The following DLGAP1 variants were observed in gnomAD, a reference collection of about 807,000 sequenced individuals.
The protein encoded by DLGAP1 is disks large-associated protein 1.
In DLGAP1, 11 loss-of-function variants were observed where a neutral mutation model predicts 90.8. The ratio of observed to expected loss-of-function variants is 0.12; its 90% CI spans 0.08 to 0.20. The LOEUF (loss-of-function observed/expected upper bound fraction) is 0.20. Ranked by LOEUF, DLGAP1 falls within the 10% of genes least tolerant of loss-of-function variation. The pLI, the probability that DLGAP1 is intolerant of heterozygous loss-of-function variation, is 1.00. For missense variants in DLGAP1, 1,050 were observed against 1,333.8 expected (o/e 0.79, Z 3.31); for synonymous variants, 558 against 540.7 (o/e 1.03, Z -0.44).
chr18:4,411,882 G>A (rs1300181181), intron 1 of DLGAP1, among the ~76,000 whole-genome samples: 2 of 152,110 alleles, frequency 1.3e-5, no homozygotes, highest in Admixed American at 6.6e-5. Flanking sequence ...TTGGAAGTCC[G>A]AGAACATAAC....
intron 8 of DLGAP1, chr18:3,571,415 T>C (rs1179711433): frequency 2.0e-5 from 3 of 152,034 alleles, no homozygotes; most frequent in Non-Finnish European, 4.4e-5. Context: ...ACCCCATCAC[T>C]ATAGTGCACT....
At chr18:3,683,922 T>G (rs2060610164) in intron 7 of DLGAP1, among the ~76,000 whole-genome samples, 1 of 152,166 alleles carries the variant, frequency 6.6e-6, no homozygotes, top group South Asian at 2.1e-4. Flanking sequence ...CATCTTGCTC[T>G]TAAGATGGAG....
intron 3 of DLGAP1, chr18:3,896,264 C>T (rs2071620969): frequency 6.6e-6 from 1 of 152,232 alleles, no homozygotes; most frequent in East Asian, 1.9e-4. Flanking sequence ...AAAGCACATG[C>T]TATTCCTGCT....
intron 8 of DLGAP1, among the ~76,000 whole-genome samples, chr18:3,581,574 G>A (rs2055513913): frequency 6.6e-6 from 1 of 150,790 alleles, no homozygotes; most frequent in African/African-American, 2.4e-5. Flanking sequence ...CATTTGAGAG[G>A]CTGCTGCCCC....
intron 1 of DLGAP1, among the ~76,000 whole-genome samples, chr18:4,315,485 T>C (rs1173494609): frequency 1.3e-5 from 2 of 152,240 alleles, no homozygotes; most frequent in African/African-American, 2.4e-5. Flanking sequence ...TATTGACTTA[T>C]ATAACTTTCA....
chr18:3,782,762 C>G (rs2065257102), intron 5 of DLGAP1, among the ~76,000 whole-genome samples: 1 of 152,176 alleles, frequency 6.6e-6, no homozygotes, highest in Admixed American at 6.5e-5. Flanking sequence ...TTTAAAATGC[C>G]TTTGACCTCA....
At chr18:4,419,156 C>A (rs2082971934) in intron 1 of DLGAP1, among the ~76,000 whole-genome samples, 1 of 152,146 alleles carries the variant, frequency 6.6e-6, no homozygotes, top group African/African-American at 2.4e-5. Context: ...TATAAAGACA[C>A]ACCCAAGACT....
intron 1 of DLGAP1, among the ~76,000 whole-genome samples, chr18:4,336,411 G>C (rs569539355): frequency 2.2e-4 from 33 of 152,180 alleles, no homozygotes; most frequent in Non-Finnish European, 4.7e-4. Flanking sequence ...CTGGTCTGAA[G>C]GTAGAAAAAT....
At chr18:3,505,576 T>G (rs1363836926) in intron 11 of DLGAP1, among the ~76,000 whole-genome samples, 3 of 142,858 alleles carry the variant, frequency 2.1e-5, no homozygotes, top group Admixed American at 7.4e-5. Context: ...AGGCAGAGAT[T>G]GCAATGAGCT....
At chr18:3,750,680 C>G (rs1424651706) in intron 5 of DLGAP1, among the ~76,000 whole-genome samples, 1 of 152,190 alleles carries the variant, frequency 6.6e-6, no homozygotes, top group Admixed American at 6.5e-5. Flanking sequence ...CTTACGGAGG[C>G]TCCTTGGGTG....
intron 1 of DLGAP1, among the ~76,000 whole-genome samples, chr18:4,308,491 A>C (rs901629081): frequency 6.6e-6 from 1 of 152,192 alleles, no homozygotes; most frequent in African/African-American, 2.4e-5. Flanking sequence ...TGGAAGATAA[A>C]TTTAACTAGA....
intron 7 of DLGAP1, among the ~76,000 whole-genome samples, chr18:3,650,884 T>TTAAAATACA (rs1567899132): frequency 1.6e-4 from 24 of 150,834 alleles, no homozygotes; most frequent in African/African-American, 5.4e-4. Context: ...CTGGCCAACA[T>TTAAAATACA]GGTGAAACCC....
At chr18:4,398,190 AAAAGC>A (rs1567889606) in intron 1 of DLGAP1, among the ~76,000 whole-genome samples, 1 of 152,238 alleles carries the variant, frequency 6.6e-6, no homozygotes, top group Non-Finnish European at 1.5e-5. Context: ...CATATCTATG[AAAAGC>A]AAACAGTGAA....
chr18:3,994,597 G>A (rs374744908), intron 3 of DLGAP1, among the ~76,000 whole-genome samples: 3 of 152,294 alleles, frequency 2.0e-5, no homozygotes, highest in African/African-American at 7.2e-5. Flanking sequence ...ATAGAGGACA[G>A]CAAACCATTT....
At chr18:4,173,672 T>A (rs1441503568) in intron 1 of DLGAP1, among the ~76,000 whole-genome samples, 2 of 152,104 alleles carry the variant, frequency 1.3e-5, no homozygotes, top group African/African-American at 4.8e-5. Context: ...AAAGTCTCAG[T>A]AAAAAGGAGG....
At chr18:3,720,250 T>C (rs2147333502) in intron 7 of DLGAP1, among the ~76,000 whole-genome samples, 1 of 152,324 alleles carries the variant, frequency 6.6e-6, no homozygotes, top group Non-Finnish European at 1.5e-5. Flanking sequence ...GTATTCTCAG[T>C]AATATTGATA....
At chr18:3,950,937 A>C (rs2072972959) in intron 3 of DLGAP1, among the ~76,000 whole-genome samples, 1 of 152,242 alleles carries the variant, frequency 6.6e-6, no homozygotes, top group Admixed American at 6.5e-5. Flanking sequence ...TGGTCAAGGA[A>C]TGACAAGACT....
intron 4 of DLGAP1, among the ~76,000 whole-genome samples, chr18:3,865,043 C>T (rs2070305151): frequency 6.6e-6 from 1 of 151,954 alleles, no homozygotes; most frequent in Non-Finnish European, 1.5e-5. Context: ...GAGAGATAAC[C>T]ATCTGGTCTC....
At chr18:4,243,092 T>C (rs1324760569) in intron 1 of DLGAP1, among the ~76,000 whole-genome samples, 1 of 152,180 alleles carries the variant, frequency 6.6e-6, no homozygotes, top group Non-Finnish European at 1.5e-5. Flanking sequence ...TGGTGTGTTG[T>C]GAGGCTTGTG....
Sources: allele counts gnomAD v4.1 joint callset (sites outside exome capture counted in the v4.1 genomes callset), GRCh38; gene constraint gnomAD v4.1.1; transcripts MANE v1.5; gene names NCBI Gene and HGNC (gene_info 2026-07-23, HGNC 2026-07-21).